The following ABCA13 variants were observed in gnomAD, a reference collection of about 807,000 sequenced individuals.
ABCA13 encodes ATP binding cassette subfamily A member 13.
Under a neutral mutation model 478.7 loss-of-function variants are expected in ABCA13, and 476 were observed. That is an observed-to-expected ratio of 0.99 (90% confidence interval 0.92 to 1.07). ABCA13 has a LOEUF of 1.07. ABCA13 is among the 50% of genes least tolerant of loss of function. The pLI is 0.00. For missense variants in ABCA13, 6,060 were observed against 5,910.6 expected (o/e 1.03, Z -0.83); for synonymous variants, 2,252 against 2,158.9 (o/e 1.04, Z -1.20).
At chr7:48,298,976 G>C (rs749133610) in intron 23 of ABCA13, among the ~76,000 whole-genome samples, 1 of 152,184 alleles carries the variant, frequency 6.6e-6, no homozygotes, top group Non-Finnish European at 1.5e-5. Flanking sequence ...ATGGCAGGCT[G>C]TGTCATCTCC....
chr7:48,272,138 A>G lies in ABCA13; in HGVS notation c.2472A>G (p.Glu824=). ...CAAAAAATCTTTTGAGATTCATAGA[A>G]TTAATACTTTTTGAAATTAATCCCA... is the stretch of plus-strand genomic sequence containing the variant. ...KEPKNLLRFI[E]LILFEINPKL... Residue 824 remains glutamate (E), a synonymous_variant, in exon 17 of 62, where the codon GAA becomes GAG. Coordinates refer to ENST00000435803, the MANE Select transcript of ABCA13 (RefSeq NM_152701.5). The G allele has an allele frequency of 6.2e-7, 1 of 1,613,226 alleles. No individual in the cohort carries two copies. The highest frequency in any genetic ancestry group is 8.5e-7 in the Non-Finnish European group (1 of 1,179,572).
At chr7:48,408,203 T>C (rs930069823) in intron 39 of ABCA13, among the ~76,000 whole-genome samples, 4 of 152,220 alleles carry the variant, frequency 2.6e-5, no homozygotes, top group African/African-American at 9.6e-5. Flanking sequence ...TGAAACTTTG[T>C]ATCCCTTAAC....
chr7:48,283,868 G>A lies in ABCA13; in HGVS notation c.8836+2416G>A, dbSNP rs78939386. ...CAGGCGCTTTGAGATTGAACAGGCT[G>A]AGTTCCTTGATTCATGCTGAGTGAC... is the stretch of plus-strand genomic sequence containing the variant. On this transcript the variant is annotated intron_variant, in intron 19 of 61. Coordinates refer to ENST00000435803, the MANE Select transcript of ABCA13 (RefSeq NM_152701.5). Among the ~76,000 whole-genome samples, 397 of 152,330 alleles carry A rather than the reference G, an allele frequency of 2.6e-3. 3 individuals carry two copies. Among genetic ancestry groups the A allele is most frequent in the African/African-American group, 8.5e-3 (354 of 41,572 alleles).
intron 41 of ABCA13, among the ~76,000 whole-genome samples, chr7:48,421,166 C>A (rs1820690514): frequency 6.6e-6 from 1 of 151,378 alleles, no homozygotes; most frequent in Admixed American, 6.6e-5. Context: ...GTCTGCCAGG[C>A]TTTCCCACTC....
At chr7:48,260,170 G>C (rs116240547) in intron 15 of ABCA13, among the ~76,000 whole-genome samples, 1 of 152,066 alleles carries the variant, frequency 6.6e-6, no homozygotes, top group Non-Finnish European at 1.5e-5. Flanking sequence ...CAGTCATGTG[G>C]AGGAAAGAAG....
chr7:48,515,635 C>T, intron 51 of ABCA13, among the ~76,000 whole-genome samples: 1 of 152,094 alleles, frequency 6.6e-6, no homozygotes, highest in East Asian at 1.9e-4. Flanking sequence ...CTCTGCAAAT[C>T]CCCATTGTTC....
intron 21 of ABCA13, 94 bp from the exon 22 acceptor site, chr7:48,297,138 C>T: frequency 9.9e-7 from 1 of 1,005,848 alleles, no homozygotes; most frequent in East Asian, 2.6e-5. Context: ...GTTATCCAGT[C>T]CATCTCTTGG....
At chr7:48,593,016 C>T (rs2131426904) in intron 57 of ABCA13, among the ~76,000 whole-genome samples, 1 of 151,950 alleles carries the variant, frequency 6.6e-6, no homozygotes, top group Admixed American at 6.6e-5. Flanking sequence ...GGTTTTTATC[C>T]ATTCATTCAC....
At chr7:48,488,438 G>A (rs1000293478) in intron 47 of ABCA13, among the ~76,000 whole-genome samples, 5 of 152,074 alleles carry the variant, frequency 3.3e-5, no homozygotes, top group African/African-American at 1.2e-4. Context: ...CATAAACTAC[G>A]ATAACTTGAA....
chr7:48,372,092 T>C lies in ABCA13; in HGVS notation c.10804-76T>C. On this transcript the variant is annotated intron_variant, in intron 32 of 61. Transcript: ENST00000435803. Reference sequence around the variant, plus strand: ...TTTACCTTTCCACTGGTCCACCTTCTTTCTCCTACCATCTGATTTGTTCTT... The same window carrying C: ...TTTACCTTTCCACTGGTCCACCTTCCTTCTCCTACCATCTGATTTGTTCTT... The C allele has an allele frequency of 4.3e-6, 6 of 1,398,792 alleles. No individual in the cohort carries two copies. In the South Asian group the frequency reaches 5.8e-5, roughly 14 times the overall value. The allele number at this position is 1,398,792 out of a possible 1,614,324, so 86.6% of individuals were successfully genotyped here. A position where few individuals can be genotyped will look rare whatever the true frequency, so the allele number is the denominator to read the frequency against.
intron 25 of ABCA13, 141 bp from the exon 26 acceptor site, chr7:48,314,091 C>A: frequency 9.8e-7 from 1 of 1,017,702 alleles, no homozygotes; most frequent in Non-Finnish European, 1.4e-6. Context: ...GGACAGAAAA[C>A]TCTAAAGCAG....
At chr7:48,201,628 G>C (rs1367415343) in intron 3 of ABCA13, among the ~76,000 whole-genome samples, 1 of 152,222 alleles carries the variant, frequency 6.6e-6, no homozygotes, top group East Asian at 1.9e-4. Flanking sequence ...GCTGAGGCAG[G>C]AGAAGAGCTT....
intron 38 of ABCA13, among the ~76,000 whole-genome samples, chr7:48,393,606 G>T (rs544415448): frequency 1.3e-5 from 2 of 152,186 alleles, no homozygotes; most frequent in Non-Finnish European, 2.9e-5. Context: ...CAGGGTTTGG[G>T]TGTTGTTTTG....
intron 1 of ABCA13, among the ~76,000 whole-genome samples, chr7:48,192,750 C>CTGGG (rs1453776263): frequency 6.6e-6 from 1 of 152,000 alleles, no homozygotes. Flanking sequence ...GAAGCAAAAG[C>CTGGG]TGGGTCTGAT....
chr7:48,475,535 G>A (rs1827996261), intron 45 of ABCA13, among the ~76,000 whole-genome samples: 1 of 131,494 alleles, frequency 7.6e-6, no homozygotes, highest in South Asian at 2.4e-4. Context: ...GCGTGATCTC[G>A]ACTCACTGCC....
chr7:48,480,720 C>A (rs531483106), intron 45 of ABCA13, among the ~76,000 whole-genome samples: 1 of 152,304 alleles, frequency 6.6e-6, no homozygotes, highest in African/African-American at 2.4e-5. Flanking sequence ...CTTTCAGGTT[C>A]GTCAAATGCA....
At chr7:48,268,011 C>T (rs1047288786) in intron 15 of ABCA13, among the ~76,000 whole-genome samples, 1 of 152,130 alleles carries the variant, frequency 6.6e-6, no homozygotes, top group Non-Finnish European at 1.5e-5. Flanking sequence ...ATGATAAATA[C>T]TTCCCACTCC....
At chr7:48,320,037 G>A (rs1255131096) in intron 27 of ABCA13, among the ~76,000 whole-genome samples, 1 of 152,068 alleles carries the variant, frequency 6.6e-6, no homozygotes, top group Admixed American at 6.6e-5. Flanking sequence ...AGACAGTGGA[G>A]GTCAAGCATT....
intron 55 of ABCA13, among the ~76,000 whole-genome samples, chr7:48,563,529 G>A (rs1345443828): frequency 6.6e-6 from 1 of 152,106 alleles, no homozygotes; most frequent in Admixed American, 6.6e-5. Context: ...ATACATGTAA[G>A]AGCATGCCTG....
Sources: gnomAD v4.1 joint callset for allele counts (sites outside exome capture counted in the v4.1 genomes callset) on GRCh38, gnomAD v4.1.1 for gene constraint, MANE v1.5 for transcripts, NCBI Gene and HGNC (gene_info 2026-07-23, HGNC 2026-07-21) for gene names.